Variants in PLA2G7 observed in about 807,000 individuals in gnomAD.
The protein encoded by PLA2G7 is platelet-activating factor acetylhydrolase.
In PLA2G7, 63 loss-of-function variants were observed where a neutral mutation model predicts 49.6. The observed-to-expected ratio is 1.27, with a 90% CI of 1.04 to 1.57. PLA2G7 has a LOEUF of 1.57. Ranked by LOEUF, PLA2G7 falls within the 40% of genes most tolerant of loss-of-function variation. PLA2G7 has a pLI of 0.00. For missense variants in PLA2G7, 596 were observed against 521.2 expected (o/e 1.14, Z -1.40); for synonymous variants, 193 against 169.9 (o/e 1.14, Z -1.06).
At chr6:46,715,963 G>T (rs780411123) in intron 4 of PLA2G7, among the ~76,000 whole-genome samples, 5 of 152,178 alleles carry the variant, frequency 3.3e-5, no homozygotes, top group Non-Finnish European at 7.3e-5. Flanking sequence ...GACAAGAAAG[G>T]CATTAGCTTT....
At chr6:46,717,233 T>C in intron 2 of PLA2G7, 137 bp from the exon 3 acceptor site, 1 of 786,452 alleles carries the variant, frequency 1.3e-6, no homozygotes, top group Admixed American at 2.0e-5. Flanking sequence ...AAGTAAGATA[T>C]GCAATTATTG....
intron 6 of PLA2G7, 48 bp downstream of exon 6, chr6:46,712,221 A>G (rs199730904): frequency 9.0e-7 from 1 of 1,116,382 alleles, no homozygotes; most frequent in Non-Finnish European, 1.4e-6. Context: ...ATGAGCATTG[A>G]CATTCCCTGT....
At position 46,704,551 on chromosome 6, in the gene PLA2G7, ATTTTAATCCTAATTG is replaced by A; in HGVS notation, c.1320_*8del. 6.4e-7 allele frequency: 1 copy of A among 1,551,672 alleles called. No individual in the cohort carries two copies. The highest frequency in any genetic ancestry group is 8.9e-7 in the Non-Finnish European group (1 of 1,124,324). ...TTGAAACAAGACTTTTAAAAAACCT[ATTTTAATCCTAATTG>A]TATTTCTCTATTCCTGAAGAGTTCT... On this transcript the variant is annotated stop_lost and 3_prime_UTR_variant, in exon 12 of 12. Transcript: ENST00000274793.
intron 4 of PLA2G7, 27 bp downstream of exon 4, chr6:46,716,357 A>G (rs768974261): frequency 3.1e-6 from 5 of 1,612,832 alleles, no homozygotes; most frequent in South Asian, 1.1e-5. Context: ...GCAAGAGCCT[A>G]CAAAGAAGGA....
At chr6:46,731,327 G>C (rs1407522047) in intron 1 of PLA2G7, among the ~76,000 whole-genome samples, 1 of 152,188 alleles carries the variant, frequency 6.6e-6, no homozygotes, top group African/African-American at 2.4e-5. Flanking sequence ...CTGGTCCACA[G>C]ACTTCTCCAG....
intron 1 of PLA2G7, among the ~76,000 whole-genome samples, chr6:46,728,274 T>C (rs995374066): frequency 6.6e-6 from 1 of 152,218 alleles, no homozygotes; most frequent in African/African-American, 2.4e-5. Context: ...AAGACACTTA[T>C]TAATGTCTGG....
chr6:46,714,370 T>G, intron 5 of PLA2G7, 90 bp downstream of exon 5: 2 of 840,886 alleles, frequency 2.4e-6, no homozygotes, highest in Non-Finnish European at 4.2e-6. Flanking sequence ...AGGGCCTGCA[T>G]GACATTCCAA....
In PLA2G7 at chr6:46,716,366, G is replaced by A. The variant is rs1765199315; in HGVS notation, c.376+18C>T. The A allele has an allele frequency of 1.2e-6, 2 of 1,613,374 alleles. No homozygotes were observed. The highest frequency in any genetic ancestry group is 1.3e-5 in the African/African-American group (1 of 74,900). On this transcript the variant is annotated intron_variant, in intron 4 of 11. Transcript: ENST00000274793. ...ATACATGCAAGAGCCTACAAAGAAG[G>A]ATCAACAGAAATCTTACCAAAGAGT...
Position 46,708,125 on chromosome 6 carries a change from C to T in PLA2G7, c.906G>A (p.Leu302=). 4 of 1,612,452 alleles carry T rather than the reference C, an allele frequency of 2.5e-6. No homozygotes were observed. In the Admixed American group the frequency reaches 6.7e-5, roughly 27 times the overall value. The change falls in exon 10 of 12, where the codon CTG becomes CTA. Residue 302 remains leucine (L), a synonymous_variant. Coordinates refer to ENST00000274793, the MANE Select transcript of PLA2G7 (RefSeq NM_005084.4). The part of the protein sequence containing the change: ...GIALDAWMFP[L]GDEVYSRIPQ... ...GAATTCTGGAATATACTTCATCACC[C>T]AGTGGAAACATCCATGCATCCAGGG...
In PLA2G7 at chr6:46,714,460, C is replaced by G. The variant is rs1300333969; in HGVS notation, c.470G>C (p.Arg157Thr). Reference sequence around the variant, plus strand: ...AATTGTTCAACCTCTCAAACATTACCTGAATGCCCCAAGACCATGAGAAAA... The same window carrying G: ...AATTGTTCAACCTCTCAAACATTACGTGAATGCCCCAAGACCATGAGAAAA... Reference protein sequence around the residue: ...VVFSHGLGAFRTLYSAIGIDL... With the variant: ...VVFSHGLGAFTTLYSAIGIDL... Residue 157 changes from arginine (R) to threonine (T), a missense_variant and splice_region_variant, in exon 5 of 12, where the codon AGG becomes ACG. By Grantham distance (71) the Arg-to-Thr change is moderately conservative (BLOSUM62 -1). Coordinates refer to ENST00000274793, the MANE Select transcript of PLA2G7 (RefSeq NM_005084.4). 7 of 1,595,060 alleles carry G rather than the reference C, an allele frequency of 4.4e-6. No homozygotes were observed. The highest frequency in any genetic ancestry group is 1.7e-5 in the Admixed American group (1 of 59,966).
intron 2 of PLA2G7, among the ~76,000 whole-genome samples, chr6:46,720,071 C>A (rs1469244777): frequency 6.6e-6 from 1 of 152,186 alleles, no homozygotes; most frequent in Non-Finnish European, 1.5e-5. Flanking sequence ...GGTAGGGACA[C>A]CTGCTTCTTC....
intron 1 of PLA2G7, among the ~76,000 whole-genome samples, chr6:46,725,367 GACTATAGGTGCCCACCTCCAT>G (rs1765537314): frequency 6.6e-6 from 1 of 151,906 alleles, no homozygotes. Flanking sequence ...GAGTAGCTGG[GACTATAGGTGCCCACCTCCAT>G]GCCCGGCTAA....
chr6:46,724,911 T>C (rs1043280938), intron 1 of PLA2G7, among the ~76,000 whole-genome samples: 23 of 152,176 alleles, frequency 1.5e-4, no homozygotes, highest in African/African-American at 5.3e-4. Flanking sequence ...AATCAAAGGG[T>C]ATTTCTTAAG....
At chr6:46,727,305 T>C (rs959474310) in intron 1 of PLA2G7, among the ~76,000 whole-genome samples, 12 of 152,148 alleles carry the variant, frequency 7.9e-5, no homozygotes, top group Non-Finnish European at 1.6e-4. Context: ...AAACAATAGA[T>C]AAAATGTCCA....
chr6:46,728,343 G>A (rs45614039), intron 1 of PLA2G7, among the ~76,000 whole-genome samples: 55 of 152,300 alleles, frequency 3.6e-4, no homozygotes, highest in Middle Eastern at 3.4e-3. Context: ...GTGAGTAGCA[G>A]TCAGGGATGC....
Position 46,718,591 on chromosome 6 carries a change from C to T in PLA2G7, c.110-1495G>A, listed in dbSNP as rs141009148. Among the ~76,000 whole-genome samples, 84 of 152,318 alleles carry T rather than the reference C, an allele frequency of 5.5e-4. 1 individual carries two copies. The highest frequency in any genetic ancestry group is 3.2e-3 in the Admixed American group (49 of 15,296). On this transcript the variant is annotated intron_variant, in intron 2 of 11. Transcript: ENST00000274793. ...CACTGGGCTGGTTGATGCCACTGCA[C>T]CTTTGTAAATGCTACTGCCTATGCT...
At chr6:46,731,679 A>G (rs928218499) in intron 1 of PLA2G7, among the ~76,000 whole-genome samples, 1 of 152,238 alleles carries the variant, frequency 6.6e-6, no homozygotes, top group Non-Finnish European at 1.5e-5. Context: ...ATTTATTAAA[A>G]TAAATTTTAA....
chr6:46,726,182 C>T (rs1345848935), intron 1 of PLA2G7, among the ~76,000 whole-genome samples: 3 of 152,172 alleles, frequency 2.0e-5, no homozygotes, highest in South Asian at 2.1e-4. Context: ...GATTAGAGTC[C>T]TGCCTTGGGC....
chr6:46,713,540 G>A (rs1376272158), intron 5 of PLA2G7, among the ~76,000 whole-genome samples: 1 of 152,194 alleles, frequency 6.6e-6, no homozygotes, highest in African/African-American at 2.4e-5. Context: ...ACTAATGTAG[G>A]AGAAATCAAA....
Sources: allele counts gnomAD v4.1 joint callset (sites outside exome capture counted in the v4.1 genomes callset), GRCh38; gene constraint gnomAD v4.1.1; transcripts MANE v1.5; gene names NCBI Gene and HGNC (gene_info 2026-07-23, HGNC 2026-07-21).